The following RAG1 variants were observed in gnomAD, a reference collection of about 807,000 sequenced individuals.
RAG1 encodes V(D)J recombination-activating protein 1.
RAG1 carries 35 observed loss-of-function variants against 62.7 expected under a neutral mutation model. The observed-to-expected ratio is 0.56, with a 90% CI of 0.43 to 0.74. The LOEUF is 0.74. Among genes scored for constraint, RAG1 ranks in the 30% least tolerant of loss-of-function variants. The probability of loss-of-function intolerance (pLI) is 0.00; values close to 1 mark genes in which losing one functional copy is unlikely to be tolerated. For missense variants in RAG1, 1,169 were observed against 1,278.6 expected, an observed-to-expected ratio of 0.91 and a Z score of 1.31; for synonymous variants, 461 against 470.3, an observed-to-expected ratio of 0.98 and a Z score of 0.26.
intron 2 of RAG1, among the ~76,000 whole-genome samples, chr11:36,534,067 T>C (rs528846993): frequency 1.3e-5 from 2 of 152,200 alleles, no homozygotes; most frequent in East Asian, 3.9e-4. Context: ...AAAAAAAATA[T>C]TGATCCCTGA....
intron 2 of RAG1, among the ~76,000 whole-genome samples, chr11:36,528,232 C>G (rs558145328): frequency 1.3e-5 from 2 of 152,198 alleles, no homozygotes; most frequent in East Asian, 1.9e-4. Context: ...AAATTGACCA[C>G]AAGGTTGGAA....
intron 3 of RAG1, among the ~76,000 whole-genome samples, chr11:36,542,865 GA>G (rs1186851908): frequency 2.0e-5 from 3 of 151,922 alleles, no homozygotes; most frequent in African/African-American, 4.8e-5. Flanking sequence ...AAAAAAAATA[GA>G]AAAAAACCTT....
At chr11:36,572,062 A>T (rs568716559) in intron 1 of RAG1, among the ~76,000 whole-genome samples, 1 of 152,270 alleles carries the variant, frequency 6.6e-6, no homozygotes, top group Non-Finnish European at 1.5e-5. Flanking sequence ...TGCTCAAAGT[A>T]TGTTCATCTG....
In RAG1 at chr11:36,527,727, T is replaced by G. The variant is rs555485756; in HGVS notation, n.428+7498T>G. Among the ~76,000 whole-genome samples, 40 of 152,266 alleles carry G rather than the reference T, an allele frequency of 2.6e-4. 1 individual carries two copies. The South Asian group carries it at 5.6e-3, about 21-fold the overall frequency. The stretch of plus-strand genomic sequence containing the variant: ...CTTCCTATCCATGAGCATGGAATGT[T>G]TTTCCATTTGTTTGTGTCCTCTTTT... On this transcript the variant is annotated intron_variant and non_coding_transcript_variant, in intron 2 of 2. Coordinates refer to the RAG1 transcript ENST00000529126.
intron 3 of RAG1, among the ~76,000 whole-genome samples, chr11:36,557,466 G>A (rs572373793): frequency 4.1e-5 from 6 of 146,410 alleles, no homozygotes; most frequent in African/African-American, 8.0e-5. Flanking sequence ...GCCCTGCTTC[G>A]GCTCGCGCAC....
chr11:36,515,095 T>C (rs894309272), intron 1 of RAG1, among the ~76,000 whole-genome samples: 7 of 152,096 alleles, frequency 4.6e-5, no homozygotes, highest in African/African-American at 1.2e-4. Context: ...GCCCAGCTGT[T>C]TTAAGGAGGT....
chr11:36,563,849 C>A (rs772568901), upstream of RAG1, among the ~76,000 whole-genome samples: 2 of 152,104 alleles, frequency 1.3e-5, no homozygotes, highest in African/African-American at 2.4e-5. Flanking sequence ...TTTGTAAAGA[C>A]ATTTATTGGT....
rs1175217675 is a variant in RAG1 at position 36,576,455 on chromosome 11, A to G, written c.*19A>G. 6.2e-7 allele frequency: 1 copy of G among 1,613,684 alleles called. No individual in the cohort carries two copies. Among genetic ancestry groups the G allele is most frequent in the Non-Finnish European group, 8.5e-7 (1 of 1,179,910 alleles). ...ATTTTAAGTAGGGCAACCACTTATG[A>G]GTTGGTTTTTGCAATTGAGTTTCCC... On this transcript the variant is annotated 3_prime_UTR_variant, in exon 2 of 2. Coordinates refer to ENST00000299440, the MANE Select transcript of RAG1 (RefSeq NM_000448.3).
At chr11:36,532,433 T>G (rs1860270565) in intron 2 of RAG1, among the ~76,000 whole-genome samples, 2 of 152,162 alleles carry the variant, frequency 1.3e-5, no homozygotes, top group African/African-American at 4.8e-5. Flanking sequence ...TCTAGCAATA[T>G]ATTATGAACA....
At position 36,568,132 on chromosome 11, in the gene RAG1, A is replaced by G. The variant is rs1334757447; in HGVS notation, c.-15+10A>G. ...CAGCCTGCTGAGCAAGGTAACACTC[A>G]TACTTTTCATGCCTTGAGCCAAAAT... On this transcript the variant is annotated intron_variant, in intron 1 of 1. Coordinates refer to ENST00000299440, the MANE Select transcript of RAG1 (RefSeq NM_000448.3). 1 of 152,222 alleles carries G rather than the reference A, an allele frequency of 6.6e-6. No individual in the cohort carries two copies. Among genetic ancestry groups the G allele is most frequent in the African/African-American group, 2.4e-5 (1 of 41,468 alleles). The allele number at this position is 152,222 out of a possible 1,614,324, so 9.4% of individuals were successfully genotyped here. A position where few individuals can be genotyped will look rare whatever the true frequency, so the allele number is the denominator to read the frequency against.
intron 2 of RAG1, among the ~76,000 whole-genome samples, chr11:36,521,251 G>A (rs895308652): frequency 1.3e-4 from 20 of 152,108 alleles, no homozygotes; most frequent in East Asian, 1.9e-4. Context: ...GAGCCACTGC[G>A]CCTGGCCCAA....
chr11:36,516,980 T>G (rs1175778102), intron 1 of RAG1, among the ~76,000 whole-genome samples: 1 of 152,222 alleles, frequency 6.6e-6, no homozygotes, highest in African/African-American at 2.4e-5. Context: ...TGTCTGAATT[T>G]AAAAGCCTGG....
chr11:36,530,862 C>A (rs1860242678), intron 2 of RAG1, among the ~76,000 whole-genome samples: 1 of 151,856 alleles, frequency 6.6e-6, no homozygotes, highest in Non-Finnish European at 1.5e-5. Context: ...ATATCCTTGC[C>A]AATTTTCTGT....
chr11:36,560,900 C>G (rs752164438), intron 3 of RAG1, among the ~76,000 whole-genome samples: 1 of 152,190 alleles, frequency 6.6e-6, no homozygotes, highest in Non-Finnish European at 1.5e-5. Context: ...CACTTCCTTG[C>G]TGAATTCTAG....
intron 2 of RAG1, among the ~76,000 whole-genome samples, chr11:36,533,046 C>G (rs188113256): frequency 1.3e-5 from 2 of 151,888 alleles, no homozygotes; most frequent in South Asian, 4.2e-4. Flanking sequence ...CTTTTTTTCA[C>G]GTGTAGTTCT....
chr11:36,511,926 T>C, intron 1 of RAG1, among the ~76,000 whole-genome samples: 1 of 152,212 alleles, frequency 6.6e-6, no homozygotes, highest in East Asian at 1.9e-4. Context: ...ATGTCTACCT[T>C]ACCAGGCTTT....
chr11:36,529,960 CT>C (rs1860228282), intron 2 of RAG1, among the ~76,000 whole-genome samples: 1 of 151,764 alleles, frequency 6.6e-6, no homozygotes, highest in African/African-American at 2.4e-5. Flanking sequence ...TGGAGATTAC[CT>C]TTCTTAAAGT....
At chr11:36,541,471 T>A (rs1416985359) in intron 3 of RAG1, among the ~76,000 whole-genome samples, 1 of 152,224 alleles carries the variant, frequency 6.6e-6, no homozygotes, top group African/African-American at 2.4e-5. Context: ...CTTTTTGGTT[T>A]TGGGATGGAG....
Position 36,573,636 on chromosome 11 carries a change from G to A in RAG1, c.332G>A (p.Cys111Tyr), listed in dbSNP as rs755882570. Residue 111 changes from cysteine to tyrosine, a missense_variant, in exon 2 of 2, where the codon TGC becomes TAC. By Grantham distance (194) the Cys-to-Tyr change is radical. Around this residue, in one of 2 missense-constraint regions of RAG1, gnomAD observed 369 missense variants for 335.3 expected, o/e 1.10. Coordinates refer to ENST00000299440, the MANE Select transcript of RAG1 (RefSeq NM_000448.3). ...AIHQANLRHL[C>Y]RICGNSFRAD... ...CATCAAGCCAACCTTCGACATCTCTGCCGCATCTGTGGGAATTCTTTTAGA... is the reference window on the plus strand; with the variant it reads ...CATCAAGCCAACCTTCGACATCTCTACCGCATCTGTGGGAATTCTTTTAGA... 2 of 1,614,166 alleles carry A rather than the reference G, an allele frequency of 1.2e-6. No homozygotes were observed. The highest frequency in any genetic ancestry group is 4.5e-5 in the East Asian group (2 of 44,890).
Sources: gnomAD v4.1 joint callset for allele counts (sites outside exome capture counted in the v4.1 genomes callset) on GRCh38, gnomAD v4.1.1 for gene constraint, gnomAD v4.1.1 regional missense constraint, MANE v1.5 for transcripts, NCBI Gene and HGNC (gene_info 2026-07-23, HGNC 2026-07-21) for gene names.